The following PPP4R3A variants were observed in gnomAD, a reference collection of about 807,000 sequenced individuals.
PPP4R3A encodes the protein serine/threonine-protein phosphatase 4 regulatory subunit 3A.
In PPP4R3A, 15 loss-of-function variants were observed where a neutral mutation model predicts 91.7. The ratio of observed to expected loss-of-function variants is 0.16; its 90% CI spans 0.11 to 0.25. The LOEUF is 0.25. PPP4R3A is among the 10% of genes least tolerant of loss of function. The probability of loss-of-function intolerance (pLI) is 1.00; values close to 1 mark genes in which losing one functional copy is unlikely to be tolerated. For missense variants in PPP4R3A, 623 were observed against 998.4 expected, an observed-to-expected ratio of 0.62 and a Z score of 5.07; for synonymous variants, 377 against 348.7, an observed-to-expected ratio of 1.08 and a Z score of -0.91.
At chr14:91,481,437 A>G in intron 4 of PPP4R3A, 139 bp downstream of exon 4, 2 of 866,918 alleles carry the variant, frequency 2.3e-6, no homozygotes, top group East Asian at 5.8e-5. Flanking sequence ...TTATTATTGT[A>G]TATTATAATC....
In PPP4R3A at chr14:91,461,585, T is replaced by C; in HGVS notation, c.2187A>G (p.Glu729=). The change falls in exon 14 of 15, where the codon GAA becomes GAG. Residue 729 remains glutamate, a synonymous_variant. Coordinates refer to ENST00000554943, the MANE Select transcript of PPP4R3A (RefSeq NM_001366432.2). ...CAGAAAGGTTTGTTTTCAGAAGCAC[T>C]TCCTTTTCCTCACTTTCTTTTACTA... ...RKKLKESEEK[E]VLLKTNLSGR... is the part of the protein sequence containing the mutation. 3.1e-6 allele frequency: 5 copies of C among 1,613,998 alleles called. No homozygotes were observed. Among genetic ancestry groups the C allele is most frequent in the Non-Finnish European group, 4.2e-6 (5 of 1,179,918 alleles).
intron 1 of PPP4R3A, among the ~76,000 whole-genome samples, chr14:91,506,113 A>G (rs1308281912): frequency 3.3e-5 from 5 of 151,958 alleles, no homozygotes; most frequent in African/African-American, 1.2e-4. Context: ...ACCTGGCTAC[A>G]TTTTTGTATG....
intron 2 of PPP4R3A, among the ~76,000 whole-genome samples, chr14:91,486,023 C>T (rs960698786): frequency 2.0e-5 from 3 of 152,080 alleles, no homozygotes; most frequent in Non-Finnish European, 4.4e-5. Flanking sequence ...CAACGCTATC[C>T]GAGCATACTG....
intron 11 of PPP4R3A, among the ~76,000 whole-genome samples, chr14:91,464,009 A>T (rs1449730411): frequency 6.6e-6 from 1 of 152,168 alleles, no homozygotes; most frequent in African/African-American, 2.4e-5. Flanking sequence ...GAGAACACAC[A>T]ACAGCCATGC....
chr14:91,490,869 C>T, intron 1 of PPP4R3A, 67 bp from the exon 2 acceptor site: 3 of 787,810 alleles, frequency 3.8e-6, no homozygotes, highest in South Asian at 2.2e-5. Flanking sequence ...CCCTTACATA[C>T]ACACATATTT....
intron 2 of PPP4R3A, among the ~76,000 whole-genome samples, chr14:91,488,932 G>C (rs539249782): frequency 3.5e-4 from 47 of 133,818 alleles, no homozygotes; most frequent in Admixed American, 8.2e-4. Flanking sequence ...TTTTGAGATG[G>C]AGTCTCGCTC....
rs1193576081 is a variant in PPP4R3A, at chr14:91,461,625, G to A, written c.2165-18C>T. ...TTCTTTTACTAAAAATGAGAATACT[G>A]TCAATAGTCGTCCCCCATACTTCTT... On this transcript the variant is annotated intron_variant, in intron 13 of 14. Coordinates refer to ENST00000554943, the MANE Select transcript of PPP4R3A (RefSeq NM_001366432.2). 3 of 1,605,504 alleles carry A rather than the reference G, an allele frequency of 1.9e-6. No individual in the cohort carries two copies. In the East Asian group the frequency reaches 6.7e-5, roughly 36 times the overall value.
chr14:91,492,681 C>T (rs1194548083), intron 1 of PPP4R3A, among the ~76,000 whole-genome samples: 1 of 150,606 alleles, frequency 6.6e-6, no homozygotes, highest in East Asian at 2.0e-4. Context: ...TTTTTTCCCA[C>T]CTGTATTCCC....
intron 1 of PPP4R3A, among the ~76,000 whole-genome samples, chr14:91,500,488 C>T (rs574691007): frequency 2.6e-5 from 4 of 152,118 alleles, no homozygotes; most frequent in Non-Finnish European, 4.4e-5. Flanking sequence ...GCTGAGCCAC[C>T]GCGCCTGGCC....
intron 12 of PPP4R3A, among the ~76,000 whole-genome samples, chr14:91,462,516 T>TCC (rs61695343): frequency 3.9e-5 from 5 of 127,244 alleles, no homozygotes; most frequent in African/African-American, 1.4e-4. Context: ...TTTTTTTTTT[T>TCC]CCCTTATCTA....
At chr14:91,504,485 T>C (rs10139669) in intron 1 of PPP4R3A, among the ~76,000 whole-genome samples, 132,351 of 151,896 alleles carry the variant, frequency 0.87, 57,864 homozygotes, top group East Asian at 0.96. Context: ...ACCTGTAATG[T>C]CAGCTACTCG....
chr14:91,489,197 A>G (rs1044556205), intron 2 of PPP4R3A, among the ~76,000 whole-genome samples: 2 of 152,086 alleles, frequency 1.3e-5, no homozygotes, highest in Non-Finnish European at 2.9e-5. Context: ...GTGAGCCACC[A>G]CGCCTGGCTG....
At chr14:91,497,026 C>T (rs1189217704) in intron 1 of PPP4R3A, among the ~76,000 whole-genome samples, 2 of 152,120 alleles carry the variant, frequency 1.3e-5, no homozygotes, top group Admixed American at 1.3e-4. Context: ...CACAGTAATT[C>T]TATCCTACTA....
In PPP4R3A at chr14:91,510,041, G is replaced by T; in HGVS notation, c.-394C>A. ...CGCGCCGCCGCCGCCTCCTCAGGCC[G>T]CCGCCGCCGCCGCCATATTTTCCTT... On this transcript the variant is annotated 5_prime_UTR_variant, in exon 1 of 15. Coordinates refer to ENST00000554943, the MANE Select transcript of PPP4R3A (RefSeq NM_001366432.2). The T allele has an allele frequency of 1.5e-6, 1 of 685,202 alleles. No homozygotes were observed. The highest frequency in any genetic ancestry group is 1.8e-6 in the Non-Finnish European group (1 of 553,502). 42.4% of individuals were successfully genotyped at this position (685,202 alleles called of 1,614,324 possible).
chr14:91,482,732 CAATT>C lies in PPP4R3A; in HGVS notation c.298-543_298-540del, dbSNP rs565048287. 3.3e-5 allele frequency among the ~76,000 whole-genome samples: 5 copies of C among 152,208 alleles called. No homozygotes were observed. In the East Asian group the frequency reaches 7.7e-4, roughly 23 times the overall value. ...AAGCAAAAAGGAAAATATTTAACAT[CAATT>C]GATTGTAGAAACCAAGGGCCAAAGA... On this transcript the variant is annotated intron_variant, in intron 3 of 14. Transcript: ENST00000554943.
intron 11 of PPP4R3A, 144 bp downstream of exon 11, chr14:91,465,106 C>T: frequency 1.5e-6 from 1 of 655,630 alleles, no homozygotes; most frequent in Non-Finnish European, 2.3e-6. Context: ...TAGCTTGACT[C>T]AAATCTCTCA....
At chr14:91,460,646 T>C (rs1405399207) in intron 14 of PPP4R3A, among the ~76,000 whole-genome samples, 1 of 145,822 alleles carries the variant, frequency 6.9e-6, no homozygotes, top group Admixed American at 6.8e-5. Flanking sequence ...CCTTTTTTTT[T>C]TTTTTTTTTT....
intron 4 of PPP4R3A, among the ~76,000 whole-genome samples, chr14:91,480,517 C>T (rs1595066327): frequency 1.3e-5 from 2 of 152,100 alleles, no homozygotes; most frequent in African/African-American, 2.4e-5. Context: ...GGACTTTTAC[C>T]GTATCATTAT....
intron 1 of PPP4R3A, 107 bp downstream of exon 1, chr14:91,509,399 G>A (rs1166595613): frequency 2.0e-6 from 3 of 1,476,294 alleles, no homozygotes; most frequent in African/African-American, 1.4e-5. Flanking sequence ...GCCCTCCCCA[G>A]CCGTCCCTCT....
Sources: gnomAD v4.1 joint callset for allele counts (sites outside exome capture counted in the v4.1 genomes callset) on GRCh38, gnomAD v4.1.1 for gene constraint, MANE v1.5 for transcripts, NCBI Gene and HGNC (gene_info 2026-07-23, HGNC 2026-07-21) for gene names.